The following KCNG3 variants were observed in gnomAD, a reference collection of about 807,000 sequenced individuals.
KCNG3 encodes the protein potassium voltage-gated channel modifier subfamily G member 3.
Under a neutral mutation model 29.0 loss-of-function variants are expected in KCNG3, and 15 were observed. That is an observed-to-expected ratio of 0.52 (90% CI 0.35 to 0.80). The LOEUF is 0.80. KCNG3 is among the 30% of genes least tolerant of loss of function. KCNG3 has a pLI of 0.01. For synonymous variants in KCNG3, 322 were observed against 248.9 expected (o/e 1.29, Z -2.76); for missense variants, 512 against 605.7 (o/e 0.85, Z 1.62).
At chr2:42,456,713 G>C (rs1672883279) in intron 1 of KCNG3, among the ~76,000 whole-genome samples, 1 of 152,050 alleles carries the variant, frequency 6.6e-6, no homozygotes, top group African/African-American at 2.4e-5. Flanking sequence ...ACAACCCCAG[G>C]AGTGCCACAA....
At chr2:42,451,176 G>C (rs1358440615) in intron 1 of KCNG3, among the ~76,000 whole-genome samples, 2 of 114,584 alleles carry the variant, frequency 1.7e-5, no homozygotes, top group South Asian at 6.1e-4. Context: ...CTGCACTCCA[G>C]CCTGGGTGAC....
chr2:42,441,731 C>CTATATGTATATATAAAATATATA (rs1558371174), downstream of KCNG3, among the ~76,000 whole-genome samples: 1 of 9,028 alleles, frequency 1.1e-4, no homozygotes, highest in Admixed American at 1.5e-3. Context: ...CACACATATC[C>CTATATGTATATATAAAATATATA]CTATATATAA....
downstream of KCNG3, among the ~76,000 whole-genome samples, chr2:42,440,771 C>T (rs1437379835): frequency 6.6e-6 from 1 of 152,128 alleles, no homozygotes; most frequent in Non-Finnish European, 1.5e-5. Context: ...GTAATGAAAG[C>T]CTTGAATTGT....
intron 1 of KCNG3, among the ~76,000 whole-genome samples, chr2:42,449,805 T>C (rs566235782): frequency 1.3e-5 from 2 of 152,102 alleles, no homozygotes; most frequent in African/African-American, 4.8e-5. Context: ...ATATGGTAGG[T>C]AGTAGTAAGA....
Position 42,493,629 on chromosome 2 carries a change from GCTCCGCTCCTGCC to G in KCNG3, c.-141_-129del. The G allele has an allele frequency of 1.3e-6, 1 of 780,456 alleles. No individual in the cohort carries two copies. Among genetic ancestry groups the G allele is most frequent in the Non-Finnish European group, 1.7e-6 (1 of 580,538 alleles). 48.3% of individuals were successfully genotyped at this position (780,456 alleles called of 1,614,324 possible). A position where few individuals can be genotyped will look rare whatever the true frequency, so the allele number is the denominator to read the frequency against. On this transcript the variant is annotated 5_prime_UTR_variant, in exon 1 of 2. Coordinates refer to ENST00000306078, the MANE Select transcript of KCNG3 (RefSeq NM_133329.6). Reference sequence around the variant, plus strand: ...CCGTCGGGGCCCGCGCTCCCTCGGGGCTCCGCTCCTGCCCTCCGCTGGCCCGGGGGTCCCTGGG... The same window carrying G: ...CCGTCGGGGCCCGCGCTCCCTCGGGGCTCCGCTGGCCCGGGGGTCCCTGGG...
intron 1 of KCNG3, among the ~76,000 whole-genome samples, chr2:42,476,829 T>C (rs777466221): frequency 6.6e-5 from 10 of 150,996 alleles, no homozygotes; most frequent in Admixed American, 2.6e-4. Context: ...CTGATAATCA[T>C]ATAACTTTGC....
chr2:42,404,395 G>A, the KCNG3 span, among the ~76,000 whole-genome samples: 1 of 152,178 alleles, frequency 6.6e-6, no homozygotes, highest in South Asian at 2.1e-4. Context: ...TCCCAGAACA[G>A]TCTAGAGCTG....
At chr2:42,429,220 A>G in the KCNG3 span, among the ~76,000 whole-genome samples, 3 of 152,092 alleles carry the variant, frequency 2.0e-5, no homozygotes, top group Admixed American at 6.5e-5. Flanking sequence ...ATGTCCTAAC[A>G]GTTGGGGAAA....
At chr2:42,436,321 T>C in the KCNG3 span, among the ~76,000 whole-genome samples, 2 of 152,242 alleles carry the variant, frequency 1.3e-5, no homozygotes, top group Admixed American at 1.3e-4. Context: ...TATACAGCTC[T>C]ATAAATATAT....
At chr2:42,481,993 T>C (rs1395046778) in intron 1 of KCNG3, among the ~76,000 whole-genome samples, 1 of 152,218 alleles carries the variant, frequency 6.6e-6, no homozygotes, top group Non-Finnish European at 1.5e-5. Flanking sequence ...TAACTTACAT[T>C]GTGTTTTTTC....
At chr2:42,492,805 G>C in intron 1 of KCNG3, 32 bp downstream of exon 1, 1 of 1,441,014 alleles carries the variant, frequency 6.9e-7, no homozygotes. Context: ...CGACAGGACG[G>C]ACGGGACGGG....
chr2:42,487,861 A>G (rs774150401), intron 1 of KCNG3, among the ~76,000 whole-genome samples: 3 of 152,346 alleles, frequency 2.0e-5, no homozygotes, highest in South Asian at 4.2e-4. Flanking sequence ...ACATAAATGT[A>G]TAGTGACTAT....
chr2:42,441,064 G>C (rs866234335), downstream of KCNG3, among the ~76,000 whole-genome samples: 28 of 152,056 alleles, frequency 1.8e-4, no homozygotes, highest in African/African-American at 6.8e-4. Flanking sequence ...TAAGAAAGAA[G>C]TGATACTTAA....
chr2:42,400,530 A>T, the KCNG3 span, among the ~76,000 whole-genome samples: 1 of 152,168 alleles, frequency 6.6e-6, no homozygotes, highest in Non-Finnish European at 1.5e-5. Flanking sequence ...AAAGAAAAAC[A>T]CCAAACACCC....
chr2:42,493,020 A>T lies in KCNG3; in HGVS notation c.482T>A (p.Phe161Tyr). Residue 161 changes from phenylalanine to tyrosine, a missense_variant, in exon 1 of 2, where the codon TTC becomes TAC. Phe to Tyr is a conservative substitution (Grantham distance 22). This residue lies in a region of KCNG3 where 228 missense variants were observed against 200.0 expected (regional missense o/e 1.14). Transcript: ENST00000306078. ...GGCCAGCGACGACGTGGGCTCCTCG[A>T]AGGTCCGCCGCATGCGCTCCAGCCA... ...RRWLERMRRT[F>Y]EEPTSSLAAQ... 6.6e-7 allele frequency: 1 copy of T among 1,524,506 alleles called. No individual in the cohort carries two copies. The highest frequency in any genetic ancestry group is 8.8e-7 in the Non-Finnish European group (1 of 1,140,288). The allele number at this position is 1,524,506 out of a possible 1,614,324, so 94.4% of individuals were successfully genotyped here.
chr2:42,493,704 C>G lies in KCNG3; in HGVS notation c.-203G>C, dbSNP rs1673986582. 1 of 377,466 alleles carries G rather than the reference C, an allele frequency of 2.6e-6. No individual in the cohort carries two copies. The highest frequency in any genetic ancestry group is 4.2e-5 in the East Asian group (1 of 23,720). 23.4% of individuals were successfully genotyped at this position (377,466 alleles called of 1,614,324 possible). A position where few individuals can be genotyped will look rare whatever the true frequency, so the allele number is the denominator to read the frequency against. On this transcript the variant is annotated 5_prime_UTR_variant, in exon 1 of 2. Transcript: ENST00000306078. ...CCGGCGCTGCTAGTAGCGCGCCCTC[C>G]GCCCGGCGGTACCTGCGGGTGGCCG...
intron 1 of KCNG3, among the ~76,000 whole-genome samples, chr2:42,460,582 C>A (rs1419440046): frequency 6.6e-6 from 1 of 152,054 alleles, no homozygotes; most frequent in African/African-American, 2.4e-5. Context: ...ATCTGGGAGA[C>A]CACGGAAAGC....
At chr2:42,400,628 C>G in the KCNG3 span, among the ~76,000 whole-genome samples, 4 of 152,144 alleles carry the variant, frequency 2.6e-5, no homozygotes, top group African/African-American at 4.8e-5. Flanking sequence ...TTATTAAGAT[C>G]TTGGATGGAT....
chr2:42,431,914 C>T, the KCNG3 span, among the ~76,000 whole-genome samples: 1 of 152,032 alleles, frequency 6.6e-6, no homozygotes, highest in Non-Finnish European at 1.5e-5. Flanking sequence ...TGGTGCATGC[C>T]TGTAATCCCA....
Sources: gnomAD v4.1 joint callset for allele counts (sites outside exome capture counted in the v4.1 genomes callset) on GRCh38, gnomAD v4.1.1 for gene constraint, gnomAD v4.1.1 regional missense constraint, MANE v1.5 for transcripts, NCBI Gene and HGNC (gene_info 2026-07-23, HGNC 2026-07-21) for gene names.